The following ABAT variants were observed in gnomAD, a reference collection of about 807,000 sequenced individuals.
ABAT encodes 4-aminobutyrate aminotransferase, mitochondrial.
In ABAT, 45 loss-of-function variants were observed where a neutral mutation model predicts 64.6. The ratio of observed to expected loss-of-function variants is 0.70; its 90% CI spans 0.55 to 0.89. ABAT has a LOEUF of 0.89. ABAT is among the 40% of genes least tolerant of loss of function. The probability of loss-of-function intolerance (pLI) is 0.00; values close to 1 mark genes in which losing one functional copy is unlikely to be tolerated. For synonymous variants in ABAT, 297 were observed against 250.5 expected (o/e 1.19, Z -1.75); for missense variants, 633 against 658.4 (o/e 0.96, Z 0.42).
intron 1 of ABAT, among the ~76,000 whole-genome samples, chr16:8,728,272 A>G (rs1438278354): frequency 6.6e-6 from 1 of 152,234 alleles, no homozygotes; most frequent in African/African-American, 2.4e-5. Context: ...TCAATTTTCA[A>G]CTGCAGGCCA....
chr16:8,716,582 A>G (rs2058222240), intron 1 of ABAT, among the ~76,000 whole-genome samples: 2 of 152,138 alleles, frequency 1.3e-5, no homozygotes, highest in Admixed American at 6.6e-5. Context: ...AGATCCCCCC[A>G]TGTCACTGAC....
In ABAT at chr16:8,782,465, G is replaced by C. The variant is rs1352800955; in HGVS notation, c.*1035G>C. 6.6e-6 allele frequency: 1 copy of C among 152,276 alleles called. No homozygotes were observed. The highest frequency in any genetic ancestry group is 1.5e-5 in the Non-Finnish European group (1 of 68,076). 9.4% of individuals were successfully genotyped at this position (152,276 alleles called of 1,614,324 possible). ...AGCTTGGCTGTTCCACCAGAGCAGA[G>C]GGAATCATTGCTGGACTGGATTTCT... On this transcript the variant is annotated 3_prime_UTR_variant, in exon 16 of 16. Transcript: ENST00000268251.
chr16:8,748,137 G>T lies in ABAT; in HGVS notation c.198G>T (p.Gln66His). The T allele has an allele frequency of 6.2e-7, 1 of 1,613,354 alleles. No individual in the cohort carries two copies. Among genetic ancestry groups the T allele is most frequent in the African/African-American group, 1.3e-5 (1 of 75,018 alleles). Residue 66 changes from glutamine (Q) to histidine (H), a missense_variant and splice_region_variant, in exon 4 of 16, where the codon CAG (glutamine) becomes CAT (histidine). Coordinates refer to ENST00000268251, the MANE Select transcript of ABAT (RefSeq NM_020686.6). The stretch of plus-strand genomic sequence containing the variant: ...TAATGAAACAGCTGAATATAATTCA[G>T]GTAAGTGAGGAGGAGGTAACTTTCC... ...QELMKQLNII[Q>H]NAEAVHFFCN...
chr16:8,770,875 C>G (rs2060085803), intron 11 of ABAT, among the ~76,000 whole-genome samples: 1 of 152,138 alleles, frequency 6.6e-6, no homozygotes, highest in African/African-American at 2.4e-5. Context: ...TTTTTATATT[C>G]CTTTTTAAAA....
chr16:8,756,804 T>G (rs1339672177), intron 5 of ABAT, among the ~76,000 whole-genome samples: 1 of 152,216 alleles, frequency 6.6e-6, no homozygotes, highest in Non-Finnish European at 1.5e-5. Context: ...TATGAGAGTG[T>G]CACAATTAAG....
chr16:8,761,319 C>T (rs2059791599), intron 6 of ABAT, among the ~76,000 whole-genome samples: 1 of 152,076 alleles, frequency 6.6e-6, no homozygotes, highest in Admixed American at 6.6e-5. Flanking sequence ...CTTCTCACCC[C>T]CTCCAAACCG....
intron 1 of ABAT, among the ~76,000 whole-genome samples, chr16:8,692,640 A>G (rs568248753): frequency 6.6e-6 from 1 of 152,254 alleles, no homozygotes; most frequent in East Asian, 1.9e-4. Flanking sequence ...ATGCTCACAA[A>G]TTCACACCTT....
rs1408151200 is a variant in ABAT at position 8,740,377 on chromosome 16, G to A, written c.70+4568G>A. Among the ~76,000 whole-genome samples, 2 of 152,204 alleles carry A rather than the reference G, an allele frequency of 1.3e-5. 1 individual carries two copies. The highest frequency in any genetic ancestry group is 3.8e-4 in the East Asian group (2 of 5,196). ...AATGGAGCTGTCAGCTGGGGCTGTG[G>A]TCTCATATGATGGCTCAACTTGGCG... On this transcript the variant is annotated intron_variant, in intron 2 of 15. Transcript: ENST00000268251.
intron 6 of ABAT, among the ~76,000 whole-genome samples, chr16:8,759,439 T>A (rs2059736305): frequency 3.9e-5 from 6 of 151,916 alleles, no homozygotes. Context: ...CCCACCCAGT[T>A]ATTATTCCTT....
At chr16:8,694,668 G>A (rs942568191) in intron 1 of ABAT, among the ~76,000 whole-genome samples, 3 of 152,140 alleles carry the variant, frequency 2.0e-5, no homozygotes, top group Admixed American at 1.3e-4. Flanking sequence ...ATGAGCCACC[G>A]CACCTGGGGC....
chr16:8,712,003 G>GT (rs1229318636), intron 1 of ABAT, among the ~76,000 whole-genome samples: 1 of 76,452 alleles, frequency 1.3e-5, no homozygotes, highest in Non-Finnish European at 3.4e-5. Flanking sequence ...ACTTTGGGAG[G>GT]TCGGGGGGGA....
chr16:8,691,493 G>A (rs1210387079), intron 1 of ABAT, among the ~76,000 whole-genome samples: 2 of 152,030 alleles, frequency 1.3e-5, no homozygotes, highest in Non-Finnish European at 2.9e-5. Flanking sequence ...AGGTTGGAGT[G>A]CAGTGGCACA....
At chr16:8,733,193 G>T (rs1567292192) in intron 1 of ABAT, among the ~76,000 whole-genome samples, 1 of 151,594 alleles carries the variant, frequency 6.6e-6, no homozygotes, top group Non-Finnish European at 1.5e-5. Context: ...TTCCCAGACG[G>T]GGCGGCTGCC....
chr16:8,769,306 C>T (rs1206229630), intron 11 of ABAT, among the ~76,000 whole-genome samples: 1 of 152,088 alleles, frequency 6.6e-6, no homozygotes, highest in East Asian at 1.9e-4. Flanking sequence ...GGTGGCTCCG[C>T]CTGTAATCCC....
chr16:8,776,537 C>T lies in ABAT; in HGVS notation c.1269+47C>T. The T allele has an allele frequency of 6.5e-7, 1 of 1,537,674 alleles. No homozygotes were observed. Among genetic ancestry groups the T allele is most frequent in the South Asian group, 1.2e-5 (1 of 84,030 alleles). The stretch of plus-strand genomic sequence containing the variant: ...CGCCCCCACCACCCATGGCTCCCCG[C>T]AGCAGCCTCCGGGGCAACACTGGAG... On this transcript the variant is annotated intron_variant, in intron 14 of 15. Coordinates refer to ENST00000268251, the MANE Select transcript of ABAT (RefSeq NM_020686.6). This position sits in a 1 kb window ranked among gnomAD's most constrained non-coding sequence, Gnocchi z 4.4.
At chr16:8,771,155 C>T (rs1376479336) in intron 11 of ABAT, among the ~76,000 whole-genome samples, 2 of 151,962 alleles carry the variant, frequency 1.3e-5, no homozygotes, top group Non-Finnish European at 2.9e-5. Flanking sequence ...ATTAGCCGGG[C>T]ATGGTGGTGC....
chr16:8,706,468 C>G (rs1041281163), intron 1 of ABAT, among the ~76,000 whole-genome samples: 2 of 149,842 alleles, frequency 1.3e-5, no homozygotes, highest in African/African-American at 4.9e-5. Flanking sequence ...AATCCCAGCA[C>G]TTTGGGAGGC....
rs1433303859 is a variant in ABAT, at chr16:8,764,623, C to T, written c.448-115C>T. 9.9e-7 allele frequency: 1 copy of T among 1,013,932 alleles called. No homozygotes were observed. The highest frequency in any genetic ancestry group is 1.5e-6 in the Non-Finnish European group (1 of 650,516). The allele number at this position is 1,013,932 out of a possible 1,614,324, so 62.8% of individuals were successfully genotyped here. ...CCCAGTCCGACACCTTCCAGGACAG[C>T]CCTGGTTCTGTCTGTCCCCGGTACG... On this transcript the variant is annotated intron_variant, in intron 7 of 15. Coordinates refer to ENST00000268251, the MANE Select transcript of ABAT (RefSeq NM_020686.6). The surrounding 1 kb of genome is among the most constrained non-coding windows in gnomAD (Gnocchi z 4.2).
At chr16:8,771,670 T>C (rs1302143840) in intron 11 of ABAT, among the ~76,000 whole-genome samples, 4 of 151,932 alleles carry the variant, frequency 2.6e-5, no homozygotes, top group South Asian at 2.1e-4. Flanking sequence ...GGTTTCACCA[T>C]GGTAGCCAGG....
Sources: allele counts gnomAD v4.1 joint callset (sites outside exome capture counted in the v4.1 genomes callset), GRCh38; gene constraint gnomAD v4.1.1; non-coding constraint Gnocchi (gnomAD v3.1); transcripts MANE v1.5; gene names NCBI Gene and HGNC (gene_info 2026-07-23, HGNC 2026-07-21).